CPA6: variants seen among roughly 807,000 people sequenced by gnomAD.
The protein encoded by CPA6 is carboxypeptidase A6.
Under a neutral mutation model 63.3 loss-of-function variants are expected in CPA6, and 58 were observed. That is an observed-to-expected ratio of 0.92 (90% CI 0.74 to 1.14). The LOEUF is 1.14. Among genes scored for constraint, CPA6 ranks in the 50% most tolerant of loss-of-function variants. The probability of loss-of-function intolerance (pLI) is 0.00; values close to 1 mark genes in which losing one functional copy is unlikely to be tolerated. For missense variants in CPA6, 565 were observed against 526.6 expected (o/e 1.07, Z -0.71); for synonymous variants, 185 against 179.0 (o/e 1.03, Z -0.27).
chr8:67,713,095 GTGTGTATATATATATATATATATATATA>G (rs1294576823), intron 1 of CPA6, among the ~76,000 whole-genome samples: 6 of 86,358 alleles, frequency 6.9e-5, no homozygotes, highest in East Asian at 3.0e-4. Flanking sequence ...GTGTGTGTGT[GTGTGTATATATATATATATATATATATA>G]TATATATATA....
At chr8:67,423,170 C>T (rs757486011) in intron 10 of CPA6, among the ~76,000 whole-genome samples, 26 of 152,226 alleles carry the variant, frequency 1.7e-4, no homozygotes, top group South Asian at 6.2e-4. Context: ...CTGCAACCTC[C>T]GCCTCCTGGG....
intron 2 of CPA6, among the ~76,000 whole-genome samples, chr8:67,601,787 A>G (rs898289724): frequency 1.3e-5 from 2 of 152,184 alleles, no homozygotes; most frequent in African/African-American, 4.8e-5. Flanking sequence ...GGGAGTGTGA[A>G]CTGACAAAAC....
intron 6 of CPA6, among the ~76,000 whole-genome samples, chr8:67,498,508 C>A (rs1811766934): frequency 7.1e-6 from 1 of 140,312 alleles, no homozygotes; most frequent in Admixed American, 7.6e-5. Flanking sequence ...TACACTCCAA[C>A]CTGGGTGACA....
chr8:67,596,776 T>C lies in CPA6; in HGVS notation c.192+27400A>G, dbSNP rs988388119. Among the ~76,000 whole-genome samples the C allele has an allele frequency of 3.3e-5, 5 of 152,354 alleles. No individual in the cohort carries two copies. In the East Asian group the frequency reaches 9.6e-4, roughly 29 times the overall value. ...TAGTTTTATTCAGTGGACATCTCTC[T>C]TTGGTCTCCTTTAATTTAAACAGTG... On this transcript the variant is annotated intron_variant, in intron 2 of 10. Coordinates refer to ENST00000297770, the MANE Select transcript of CPA6 (RefSeq NM_020361.5).
intron 1 of CPA6, among the ~76,000 whole-genome samples, chr8:67,718,868 A>G (rs971958194): frequency 3.5e-4 from 53 of 152,064 alleles, no homozygotes; most frequent in African/African-American, 1.2e-3. Context: ...GATGGTCTCA[A>G]TCTCCTGACC....
rs1455195882 is a variant in CPA6 at position 67,463,174 on chromosome 8, T to A, written c.838+20594A>T. On this transcript the variant is annotated intron_variant, in intron 8 of 10. Transcript: ENST00000297770. ...AAAGAAGAATTCTGGCCAGGCACCA[T>A]GGCTCATGCCTGTAATCCCAGCACT... 2.6e-5 allele frequency among the ~76,000 whole-genome samples: 4 copies of A among 152,306 alleles called. No individual in the cohort carries two copies. The East Asian group carries it at 7.7e-4, about 29-fold the overall frequency.
At chr8:67,675,282 A>G (rs1471293688) in intron 1 of CPA6, among the ~76,000 whole-genome samples, 1 of 152,034 alleles carries the variant, frequency 6.6e-6, no homozygotes, top group African/African-American at 2.4e-5. Context: ...ACCTCTCCCA[A>G]CGCTGGGCTG....
At chr8:67,647,585 C>T (rs1454607627) in intron 1 of CPA6, among the ~76,000 whole-genome samples, 1 of 152,176 alleles carries the variant, frequency 6.6e-6, no homozygotes, top group East Asian at 1.9e-4. Flanking sequence ...CTCAAGGTCT[C>T]TTAGACCTTC....
intron 2 of CPA6, among the ~76,000 whole-genome samples, chr8:67,539,826 G>A (rs960810886): frequency 1.1e-4 from 16 of 152,058 alleles, no homozygotes; most frequent in Middle Eastern, 3.2e-3. Context: ...CAAAGTTCTT[G>A]TGCTGTGTTT....
intron 2 of CPA6, among the ~76,000 whole-genome samples, chr8:67,519,867 A>C (rs1812224599): frequency 6.6e-6 from 1 of 152,184 alleles, no homozygotes; most frequent in South Asian, 2.1e-4. Context: ...ACATTTAACA[A>C]GATTGTCAGG....
rs541703726 is a variant in CPA6 at position 67,434,424 on chromosome 8, T to G, written c.839-184A>C. ...AGTTCTAAGGTGATTGAAGTTCCCA[T>G]GCACAACAGGAGGGCCTGAATAGAA... On this transcript the variant is annotated intron_variant, in intron 8 of 10. Coordinates refer to ENST00000297770, the MANE Select transcript of CPA6 (RefSeq NM_020361.5). Among the ~76,000 whole-genome samples, 5 of 152,336 alleles carry G rather than the reference T, an allele frequency of 3.3e-5. No individual in the cohort carries two copies. In the East Asian group the frequency reaches 9.6e-4, roughly 29 times the overall value.
At chr8:67,458,980 T>G (rs904167086) in intron 8 of CPA6, among the ~76,000 whole-genome samples, 2 of 152,222 alleles carry the variant, frequency 1.3e-5, no homozygotes, top group Non-Finnish European at 2.9e-5. Flanking sequence ...AAAGAGAGTT[T>G]GGCAATTGTA....
At chr8:67,710,431 A>G (rs911085242) in intron 1 of CPA6, among the ~76,000 whole-genome samples, 2 of 134,592 alleles carry the variant, frequency 1.5e-5, no homozygotes, top group African/African-American at 5.7e-5. Context: ...ACCCCGAAAG[A>G]TGGCTTTGCA....
chr8:67,744,837 C>A (rs983023776), intron 1 of CPA6, among the ~76,000 whole-genome samples: 1 of 152,062 alleles, frequency 6.6e-6, no homozygotes, highest in East Asian at 1.9e-4. Context: ...TGGAAAAATC[C>A]GTGATCATAT....
intron 1 of CPA6, among the ~76,000 whole-genome samples, chr8:67,729,811 T>C (rs1817672511): frequency 6.6e-6 from 1 of 152,258 alleles, no homozygotes; most frequent in Non-Finnish European, 1.5e-5. Context: ...AAATCACCAC[T>C]TGAACTGCCC....
intron 1 of CPA6, among the ~76,000 whole-genome samples, chr8:67,699,630 C>T (rs1371234747): frequency 6.6e-6 from 1 of 151,632 alleles, no homozygotes; most frequent in East Asian, 1.9e-4. Flanking sequence ...TCTTGTTGCC[C>T]AGGCTGGAGT....
chr8:67,744,940 A>T (rs377085133), intron 1 of CPA6, among the ~76,000 whole-genome samples: 6 of 152,240 alleles, frequency 3.9e-5, no homozygotes, highest in African/African-American at 1.4e-4. Context: ...CTCTGTAAGC[A>T]CTGTATTCAG....
chr8:67,491,912 G>T (rs1489126633), intron 6 of CPA6, among the ~76,000 whole-genome samples: 1 of 152,168 alleles, frequency 6.6e-6, no homozygotes, highest in African/African-American at 2.4e-5. Context: ...TCTGTCAGTG[G>T]TTGGTTGGTT....
At chr8:67,424,376 G>A (rs1809838644) in intron 10 of CPA6, among the ~76,000 whole-genome samples, 1 of 152,146 alleles carries the variant, frequency 6.6e-6, no homozygotes, top group South Asian at 2.1e-4. Context: ...GTTGGGGACT[G>A]CTGCTGTAGA....
Sources: gnomAD v4.1 joint callset for allele counts (sites outside exome capture counted in the v4.1 genomes callset) on GRCh38, gnomAD v4.1.1 for gene constraint, MANE v1.5 for transcripts, NCBI Gene and HGNC (gene_info 2026-07-23, HGNC 2026-07-21) for gene names.